The following BEND6 variants were observed in gnomAD, a reference collection of about 807,000 sequenced individuals.
BEND6 encodes the protein BEN domain-containing protein 6.
A neutral mutation model predicts 31.8 loss-of-function variants in BEND6; 24 were observed. The observed-to-expected ratio is 0.75, with a 90% CI of 0.55 to 1.06. The LOEUF (loss-of-function observed/expected upper bound fraction) is 1.06. Ranked by LOEUF, BEND6 falls within the 50% of genes least tolerant of loss-of-function variation. The probability of loss-of-function intolerance (pLI) is 0.00; values close to 1 mark genes in which losing one functional copy is unlikely to be tolerated. For synonymous variants in BEND6, 109 were observed against 114.6 expected (o/e 0.95, Z 0.31); for missense variants, 294 against 327.4 (o/e 0.90, Z 0.79).
chr6:57,021,570 A>G lies in BEND6; in HGVS notation c.*9+3013A>G, dbSNP rs530993401. Among the ~76,000 whole-genome samples, 12 of 152,180 alleles carry G rather than the reference A, an allele frequency of 7.9e-5. No homozygotes were observed. In the East Asian group the frequency reaches 2.3e-3, roughly 29 times the overall value. ...TCTTTCTTATTCCTGTGGCTGCCCTAAAGTTGCCTGTAGCTCTCACATGCA... is the reference window on the plus strand; with the variant it reads ...TCTTTCTTATTCCTGTGGCTGCCCTGAAGTTGCCTGTAGCTCTCACATGCA... On this transcript the variant is annotated intron_variant, in intron 6 of 6. Transcript: ENST00000370746.
chr6:56,991,764 C>T (rs558030519), intron 2 of BEND6, among the ~76,000 whole-genome samples: 3 of 152,054 alleles, frequency 2.0e-5, no homozygotes, highest in Non-Finnish European at 2.9e-5. Flanking sequence ...AATGAACACA[C>T]CCATATAAAA....
At chr6:56,983,645 CT>C (rs965145742) in intron 2 of BEND6, among the ~76,000 whole-genome samples, 1 of 152,080 alleles carries the variant, frequency 6.6e-6, no homozygotes, top group Admixed American at 6.5e-5. Flanking sequence ...AGATCTTGTT[CT>C]TTTTTAGGGC....
chr6:56,996,544 T>C (rs757534435), intron 3 of BEND6, among the ~76,000 whole-genome samples: 25 of 152,126 alleles, frequency 1.6e-4, no homozygotes, highest in Non-Finnish European at 2.9e-4. Flanking sequence ...CTCTAACTCA[T>C]TGTCTAACTG....
At chr6:56,966,093 T>G (rs1223434654) in intron 1 of BEND6, among the ~76,000 whole-genome samples, 6 of 151,948 alleles carry the variant, frequency 3.9e-5, no homozygotes, top group Admixed American at 3.9e-4. Context: ...GTGGTTTGTT[T>G]TTTGTTTGTT....
At chr6:56,969,186 T>C (rs1008884778) in intron 1 of BEND6, among the ~76,000 whole-genome samples, 1 of 152,192 alleles carries the variant, frequency 6.6e-6, no homozygotes, top group South Asian at 2.1e-4. Flanking sequence ...CAGAACACTT[T>C]GGTGAGAAAG....
At chr6:57,014,837 A>G (rs1827472619) in intron 3 of BEND6, among the ~76,000 whole-genome samples, 1 of 152,124 alleles carries the variant, frequency 6.6e-6, no homozygotes, top group South Asian at 2.1e-4. Flanking sequence ...TAGCAACTAG[A>G]AAAAAAAGAA....
At chr6:56,981,681 A>G (rs896203216) in intron 1 of BEND6, 30 bp from the exon 2 acceptor site, 9 of 963,986 alleles carry the variant, frequency 9.3e-6, no homozygotes, top group African/African-American at 8.4e-5. Context: ...TGAATATGTT[A>G]TGTGTCATGT....
intron 6 of BEND6, among the ~76,000 whole-genome samples, chr6:57,023,930 T>G (rs187452160): frequency 3.3e-5 from 5 of 152,366 alleles, no homozygotes; most frequent in Admixed American, 3.3e-4. Context: ...TGGTAATATG[T>G]TGTAATTTGT....
chr6:56,981,629 G>C (rs1382187730), intron 1 of BEND6, 82 bp from the exon 2 acceptor site: 6 of 519,322 alleles, frequency 1.2e-5, no homozygotes, highest in African/African-American at 2.0e-5. Context: ...TAATAAAACT[G>C]GTTTATCTGA....
chr6:56,978,854 A>C (rs899648591), intron 1 of BEND6, among the ~76,000 whole-genome samples: 1 of 152,212 alleles, frequency 6.6e-6, no homozygotes, highest in Non-Finnish European at 1.5e-5. Flanking sequence ...AGACTTAATA[A>C]TGTTTCTTAA....
chr6:57,018,076 G>T (rs917898539), intron 5 of BEND6, among the ~76,000 whole-genome samples: 3 of 150,942 alleles, frequency 2.0e-5, no homozygotes, highest in Non-Finnish European at 4.4e-5. Flanking sequence ...TACAGAAAAA[G>T]ATCAGTCAGA....
intron 1 of BEND6, among the ~76,000 whole-genome samples, chr6:56,971,286 T>C (rs539372383): frequency 6.6e-6 from 1 of 152,346 alleles, no homozygotes; most frequent in South Asian, 2.1e-4. Flanking sequence ...GGTAAATCCA[T>C]GTTATAGAAC....
chr6:57,001,155 CTTT>C (rs33918532), intron 3 of BEND6, among the ~76,000 whole-genome samples: 3,413 of 118,224 alleles, frequency 0.029, 125 homozygotes, highest in African/African-American at 0.095. Flanking sequence ...AAGAAAAAGT[CTTT>C]TTTTTTTTTT....
chr6:57,000,131 G>A (rs1158427690), intron 3 of BEND6, among the ~76,000 whole-genome samples: 4 of 152,006 alleles, frequency 2.6e-5, no homozygotes, highest in African/African-American at 7.3e-5. Flanking sequence ...TGATGATGGC[G>A]GTTTTGTCGA....
chr6:56,962,175 A>T (rs34577536), intron 1 of BEND6, among the ~76,000 whole-genome samples: 1,637 of 152,298 alleles, frequency 0.011, 15 homozygotes, highest in Non-Finnish European at 0.018. Flanking sequence ...AGACAGCAAG[A>T]CACTCACCAG....
chr6:56,959,645 C>T (rs1371918765), intron 1 of BEND6, among the ~76,000 whole-genome samples: 1 of 152,072 alleles, frequency 6.6e-6, no homozygotes, highest in Non-Finnish European at 1.5e-5. Flanking sequence ...CCAGGGAAAC[C>T]ATCATGTGGA....
chr6:56,983,374 TC>T (rs1190756549), intron 2 of BEND6, among the ~76,000 whole-genome samples: 6 of 152,214 alleles, frequency 3.9e-5, no homozygotes, highest in Non-Finnish European at 5.9e-5. Flanking sequence ...CCTATGGTCC[TC>T]GTGTGCTACG....
intron 3 of BEND6, among the ~76,000 whole-genome samples, chr6:57,001,741 G>C (rs910990382): frequency 1.3e-4 from 20 of 152,214 alleles, no homozygotes; most frequent in African/African-American, 4.8e-4. Context: ...TCTTAAGGGA[G>C]TTCTAAACAT....
At chr6:56,984,366 G>A (rs781712531) in intron 2 of BEND6, among the ~76,000 whole-genome samples, 1 of 152,034 alleles carries the variant, frequency 6.6e-6, no homozygotes, top group East Asian at 1.9e-4. Context: ...ATTACTTTTC[G>A]AGAGTGTTCA....
Sources: gnomAD v4.1 joint callset for allele counts (sites outside exome capture counted in the v4.1 genomes callset) on GRCh38, gnomAD v4.1.1 for gene constraint, MANE v1.5 for transcripts, NCBI Gene and HGNC (gene_info 2026-07-23, HGNC 2026-07-21) for gene names.